The following PTPN12 variants were observed in gnomAD, a reference collection of about 807,000 sequenced individuals.
PTPN12 encodes protein tyrosine phosphatase non-receptor type 12.
A neutral mutation model predicts 97.6 loss-of-function variants in PTPN12; 29 were observed. The ratio of observed to expected loss-of-function variants is 0.30; its 90% CI spans 0.22 to 0.41. The LOEUF (loss-of-function observed/expected upper bound fraction) is 0.41. Among genes scored for constraint, PTPN12 ranks in the 10% least tolerant of loss-of-function variants. The probability of loss-of-function intolerance (pLI) is 1.00; values close to 1 mark genes in which losing one functional copy is unlikely to be tolerated. For missense variants in PTPN12, 819 were observed against 926.0 expected (o/e 0.88, Z 1.50); for synonymous variants, 327 against 300.4 (o/e 1.09, Z -0.91).
At chr7:77,583,172 G>T (rs1787578501) in intron 3 of PTPN12, among the ~76,000 whole-genome samples, 1 of 152,158 alleles carries the variant, frequency 6.6e-6, no homozygotes, top group South Asian at 2.1e-4. Flanking sequence ...AAGAAACTAA[G>T]AAAGAGCTCT....
In PTPN12 at chr7:77,626,787, C is replaced by G. The variant is rs776905930; in HGVS notation, c.1108C>G (p.Pro370Ala). 6.2e-7 allele frequency: 1 copy of G among 1,613,956 alleles called. No individual in the cohort carries two copies. The highest frequency in any genetic ancestry group is 8.5e-7 in the Non-Finnish European group (1 of 1,179,866). ...HPVPPILTPS[P>A]PSAFPTVTTV... The stretch of plus-strand genomic sequence containing the variant: ...AGTGCCACCCATCTTGACACCTTCT[C>G]CCCCTTCAGCTTTTCCAACAGTCAC... The change falls in exon 13 of 18, where the codon CCC (proline) becomes GCC (alanine). Residue 370 changes from proline (P) to alanine (A), a missense_variant. Around this residue, in one of 5 missense-constraint regions of PTPN12, gnomAD observed 607 missense variants for 577.3 expected, o/e 1.05. Transcript: ENST00000248594.
Position 77,627,448 on chromosome 7 carries a change from T to G in PTPN12, c.1769T>G (p.Leu590Arg). 1.2e-6 allele frequency: 2 copies of G among 1,614,048 alleles called. No homozygotes were observed. The highest frequency in any genetic ancestry group is 1.7e-6 in the Non-Finnish European group (2 of 1,179,930). Residue 590 changes from leucine to arginine, a missense_variant, in exon 13 of 18, where the codon CTC becomes CGC. This residue lies in a region of PTPN12 where 607 missense variants were observed against 577.3 expected (regional missense o/e 1.05). Transcript: ENST00000248594. ...DLVDHDNTSP[L>R]FRTPLSFTNP... ...GTGGATCATGATAACACTTCACCAC[T>G]CTTCAGAACACCCCTCAGTTTTACT... is the stretch of plus-strand genomic sequence containing the variant.
In PTPN12 at chr7:77,627,107, T is replaced by G. The variant is rs897501856; in HGVS notation, c.1428T>G (p.Ser476=). Reference sequence around the variant, plus strand: ...CACCTTGTATAGCTGATAAAATCTCTAAGCCACAGGAATTAAGTTCAGATC... The same window carrying G: ...CACCTTGTATAGCTGATAAAATCTCGAAGCCACAGGAATTAAGTTCAGATC... ...SASPCIADKI[S]KPQELSSDLN... The change falls in exon 13 of 18, where the codon TCT becomes TCG. Residue 476 remains serine (S), a synonymous_variant. Transcript: ENST00000248594. 1 of 1,614,020 alleles carries G rather than the reference T, an allele frequency of 6.2e-7. No homozygotes were observed. Among genetic ancestry groups the G allele is most frequent in the Non-Finnish European group, 8.5e-7 (1 of 1,179,872 alleles).
At chr7:77,577,207 T>C (rs1787370926) in intron 2 of PTPN12, among the ~76,000 whole-genome samples, 2 of 152,186 alleles carry the variant, frequency 1.3e-5, no homozygotes, top group African/African-American at 4.8e-5. Context: ...TCAGTACATG[T>C]ATTATTTAGA....
chr7:77,622,928 G>A (rs1241367274), intron 12 of PTPN12, among the ~76,000 whole-genome samples: 3 of 145,684 alleles, frequency 2.1e-5, no homozygotes, highest in African/African-American at 5.0e-5. Context: ...GGAGAGAAAA[G>A]ATAAGGAAAT....
In PTPN12 at chr7:77,627,272, A is replaced by G. The variant is rs1401916638; in HGVS notation, c.1593A>G (p.Lys531=). Residue 531 remains lysine (K), a synonymous_variant, in exon 13 of 18, where the codon AAA becomes AAG. Transcript: ENST00000248594. ...CAGACCGCTTGCCTCTTGATGAGAAAGGACATGTAACGTGGTCATTTCATG... is the reference window on the plus strand; with the variant it reads ...CAGACCGCTTGCCTCTTGATGAGAAGGGACATGTAACGTGGTCATTTCATG... ...PRPDRLPLDE[K]GHVTWSFHGP... 1.2e-6 allele frequency: 2 copies of G among 1,614,080 alleles called. No homozygotes were observed. Among genetic ancestry groups the G allele is most frequent in the East Asian group, 2.2e-5 (1 of 44,890 alleles).
intron 14 of PTPN12, among the ~76,000 whole-genome samples, chr7:77,634,955 G>C (rs1006664113): frequency 6.6e-6 from 1 of 151,864 alleles, no homozygotes; most frequent in South Asian, 2.1e-4. Flanking sequence ...GGCTCAAGCT[G>C]TTCTCCTGCC....
At chr7:77,622,646 C>T (rs896888075) in intron 12 of PTPN12, among the ~76,000 whole-genome samples, 1 of 147,706 alleles carries the variant, frequency 6.8e-6, no homozygotes, top group Non-Finnish European at 1.5e-5. Flanking sequence ...TGGTGTGTGC[C>T]TGTAGTCCCA....
rs1434638096 is a variant in PTPN12, at chr7:77,626,817, GT to G, written c.1139del (p.Val380GlyfsTer47). On this transcript the variant is annotated frameshift_variant, in exon 13 of 18. Transcript: ENST00000248594. LOFTEE classifies it high-confidence loss of function. ...PPSAFPTVTT[V>X]WQDNDRYHPK... The stretch of plus-strand genomic sequence containing the variant: ...TTCAGCTTTTCCAACAGTCACTACT[GT>G]GTGGCAGGACAATGATAGATACCAT... 1.2e-6 allele frequency: 2 copies of G among 1,613,930 alleles called. No individual in the cohort carries two copies. The highest frequency in any genetic ancestry group is 1.7e-6 in the Non-Finnish European group (2 of 1,179,972).
At chr7:77,601,353 A>C (rs1297658483) in intron 8 of PTPN12, among the ~76,000 whole-genome samples, 2 of 152,092 alleles carry the variant, frequency 1.3e-5, no homozygotes, top group Non-Finnish European at 2.9e-5. Flanking sequence ...ACCACACTGA[A>C]CTAATTTTTT....
rs1789716567 is a variant in PTPN12, at chr7:77,639,299, A to G, written c.*19A>G. 6.3e-7 allele frequency: 1 copy of G among 1,598,146 alleles called. No individual in the cohort carries two copies. The stretch of plus-strand genomic sequence containing the variant: ...GACATGATTCAGGGAGCTAGAAGAC[A>G]CTTTAAGTTATACTGGAAAATTCAG... On this transcript the variant is annotated 3_prime_UTR_variant, in exon 18 of 18. Transcript: ENST00000248594.
chr7:77,593,726 T>C (rs763002278), intron 6 of PTPN12, among the ~76,000 whole-genome samples: 8 of 152,230 alleles, frequency 5.3e-5, no homozygotes, highest in Admixed American at 1.3e-4. Context: ...AATGTTAATC[T>C]TCTCCAAAAA....
At chr7:77,583,419 T>A in intron 3 of PTPN12, 136 bp from the exon 4 acceptor site, 1 of 617,056 alleles carries the variant, frequency 1.6e-6, no homozygotes. Flanking sequence ...TAATATACTA[T>A]GAAAGACACA....
rs1391076307 is a variant in PTPN12, at chr7:77,617,425, A to G, written c.940-1055A>G. On this transcript the variant is annotated intron_variant, in intron 11 of 17. Transcript: ENST00000248594. The stretch of plus-strand genomic sequence containing the variant: ...CTATTAATTCATCAGATTATATATA[A>G]GGAGATAGGGTGCACTTAAAATTGC... 7.2e-5 allele frequency among the ~76,000 whole-genome samples: 11 copies of G among 152,206 alleles called. No homozygotes were observed. In the East Asian group the frequency reaches 2.1e-3, roughly 29 times the overall value.
chr7:77,552,224 C>T (rs1166690636), intron 1 of PTPN12, among the ~76,000 whole-genome samples: 4 of 152,142 alleles, frequency 2.6e-5, no homozygotes, highest in Non-Finnish European at 4.4e-5. Flanking sequence ...TCAACAGATC[C>T]GCCTGCCTTA....
intron 11 of PTPN12, among the ~76,000 whole-genome samples, chr7:77,611,260 A>C (rs575112885): frequency 1.3e-5 from 2 of 152,316 alleles, no homozygotes; most frequent in South Asian, 4.1e-4. Context: ...GTTCTAAATG[A>C]AATAAAGTTA....
chr7:77,565,807 T>C (rs1361552810), intron 1 of PTPN12, among the ~76,000 whole-genome samples: 1 of 152,248 alleles, frequency 6.6e-6, no homozygotes, highest in Admixed American at 6.5e-5. Context: ...TCAAAAATTC[T>C]AAGTATTAAA....
In PTPN12 at chr7:77,583,464, T is replaced by C; in HGVS notation, c.286-91T>C. 21 of 795,134 alleles carry C rather than the reference T, an allele frequency of 2.6e-5. 1 individual carries two copies. The South Asian group carries it at 3.6e-4, about 14-fold the overall frequency. The allele number at this position is 795,134 out of a possible 1,614,324, so 49.3% of individuals were successfully genotyped here. ...AATGGTTTAAGTTAAAACAACAATATTACTAATACAATTTGAAACCTTATA... is the reference window on the plus strand; with the variant it reads ...AATGGTTTAAGTTAAAACAACAATACTACTAATACAATTTGAAACCTTATA... On this transcript the variant is annotated intron_variant, in intron 3 of 17. Coordinates refer to ENST00000248594, the MANE Select transcript of PTPN12 (RefSeq NM_002835.4).
At chr7:77,586,182 G>A (rs923267710) in intron 5 of PTPN12, among the ~76,000 whole-genome samples, 1 of 152,166 alleles carries the variant, frequency 6.6e-6, no homozygotes, top group African/African-American at 2.4e-5. Flanking sequence ...TCGAACTCCT[G>A]ACCTCAGGTG....
Sources: allele counts gnomAD v4.1 joint callset (sites outside exome capture counted in the v4.1 genomes callset), GRCh38; gene constraint gnomAD v4.1.1; regional missense constraint gnomAD v4.1.1; transcripts MANE v1.5; gene names NCBI Gene and HGNC (gene_info 2026-07-23, HGNC 2026-07-21).